Variants in CYRIA observed in about 807,000 individuals in gnomAD.
CYRIA encodes the protein CYFIP-related Rac1 interactor A.
CYRIA carries 15 observed loss-of-function variants against 43.9 expected under a neutral mutation model. The ratio of observed to expected loss-of-function variants is 0.34; its 90% CI spans 0.23 to 0.53. The LOEUF (loss-of-function observed/expected upper bound fraction) is 0.53. Ranked by LOEUF, CYRIA falls within the 20% of genes least tolerant of loss-of-function variation. The pLI is 0.94. For missense variants in CYRIA, 236 were observed against 394.2 expected, an observed-to-expected ratio of 0.60 and a Z score of 3.40; for synonymous variants, 117 against 136.0, an observed-to-expected ratio of 0.86 and a Z score of 0.97.
At chr2:16,588,951 G>A (rs1274586456) in intron 2 of CYRIA, among the ~76,000 whole-genome samples, 1 of 152,064 alleles carries the variant, frequency 6.6e-6, no homozygotes, top group African/African-American at 2.4e-5. Flanking sequence ...CATATCAGCA[G>A]TCTCAACCTA....
At chr2:16,571,134 A>G (rs989045708) in intron 3 of CYRIA, among the ~76,000 whole-genome samples, 1 of 152,190 alleles carries the variant, frequency 6.6e-6, no homozygotes, top group Non-Finnish European at 1.5e-5. Flanking sequence ...GCACACATAT[A>G]CATTTGTTGT....
intron 1 of CYRIA, among the ~76,000 whole-genome samples, chr2:16,665,579 G>C (rs541310225): frequency 9.3e-4 from 141 of 152,028 alleles, no homozygotes; most frequent in African/African-American, 3.3e-3. Flanking sequence ...TCTGTCCGGC[G>C]ATCGCTAGAG....
rs545629461 is a variant in CYRIA at position 16,575,926 on chromosome 2, C to A, written c.71-10159G>T. On this transcript the variant is annotated intron_variant, in intron 3 of 11. Coordinates refer to ENST00000381323, the MANE Select transcript of CYRIA (RefSeq NM_030797.4). ...ATAAATAAAGAGCAGTTCCCCTGCA[C>A]AAGCTCTCTCTCTTTGCCTGCTGCC... 3.9e-5 allele frequency among the ~76,000 whole-genome samples: 6 copies of A among 152,138 alleles called. No individual in the cohort carries two copies. The East Asian group carries it at 9.6e-4, about 24-fold the overall frequency.
chr2:16,610,108 C>T (rs1033008540), intron 2 of CYRIA, among the ~76,000 whole-genome samples: 1 of 152,224 alleles, frequency 6.6e-6, no homozygotes, highest in Non-Finnish European at 1.5e-5. Context: ...ATAACTTCCA[C>T]AGACTGTGCA....
In CYRIA at chr2:16,585,475, T is replaced by G. The variant is rs114226742; in HGVS notation, c.70+2575A>C. On this transcript the variant is annotated intron_variant, in intron 3 of 11. Coordinates refer to ENST00000381323, the MANE Select transcript of CYRIA (RefSeq NM_030797.4). Reference sequence around the variant, plus strand: ...TTTCAGTGGAATAAAGTTAGTCTTATCCATAGGACTGATGAGAAAATAAGC... The same window carrying G: ...TTTCAGTGGAATAAAGTTAGTCTTAGCCATAGGACTGATGAGAAAATAAGC... Among the ~76,000 whole-genome samples the G allele has an allele frequency of 6.1e-3, 923 of 152,292 alleles. 7 individuals are homozygous for G. The highest frequency in any genetic ancestry group is 0.021 in the African/African-American group (892 of 41,558).
At position 16,600,092 on chromosome 2, in the gene CYRIA, GT is replaced by G. The variant is rs199606619; in HGVS notation, c.-10-11964del. On this transcript the variant is annotated intron_variant, in intron 2 of 11. Coordinates refer to ENST00000381323, the MANE Select transcript of CYRIA (RefSeq NM_030797.4). ...TTTAACCAAACAGTTGTGTCTATGT[GT>G]ACCCCATGTCATATAGCACAAAGTC... Among the ~76,000 whole-genome samples, 1,201 of 152,256 alleles carry G rather than the reference GT, an allele frequency of 7.9e-3. 19 individuals are homozygous for G. Among genetic ancestry groups the G allele is most frequent in the African/African-American group, 0.027 (1,121 of 41,542 alleles).
At chr2:16,642,127 A>G (rs1442848399) in intron 1 of CYRIA, among the ~76,000 whole-genome samples, 2 of 152,056 alleles carry the variant, frequency 1.3e-5, no homozygotes, top group African/African-American at 4.8e-5. Context: ...TTAGTTTCAC[A>G]CCTTCAAATA....
intron 1 of CYRIA, among the ~76,000 whole-genome samples, chr2:16,646,897 A>G (rs190392035): frequency 3.3e-5 from 5 of 152,264 alleles, no homozygotes; most frequent in Admixed American, 3.3e-4. Context: ...TTGGATTCAG[A>G]CTTGAACCAG....
chr2:16,658,799 G>C (rs372172323), intron 1 of CYRIA, among the ~76,000 whole-genome samples: 2 of 151,760 alleles, frequency 1.3e-5, no homozygotes, highest in African/African-American at 4.8e-5. Context: ...AGTTTCTGTG[G>C]AATAGAGGAG....
chr2:16,565,007 C>G (rs1666876647), intron 4 of CYRIA, among the ~76,000 whole-genome samples: 1 of 152,124 alleles, frequency 6.6e-6, no homozygotes, highest in Non-Finnish European at 1.5e-5. Flanking sequence ...AACTGTTGTT[C>G]ACAGACTTTA....
At chr2:16,553,557 G>C (rs1408512088) in intron 11 of CYRIA, among the ~76,000 whole-genome samples, 1 of 152,102 alleles carries the variant, frequency 6.6e-6, no homozygotes, top group Admixed American at 6.5e-5. Flanking sequence ...CTTTGGCCAG[G>C]TCATGGGCGC....
chr2:16,564,023 C>T lies in CYRIA; in HGVS notation c.264G>A (p.Arg88=). 1.2e-6 allele frequency: 2 copies of T among 1,613,420 alleles called. No homozygotes were observed. Among genetic ancestry groups the T allele is most frequent in the Non-Finnish European group, 1.7e-6 (2 of 1,179,636 alleles). The change falls in exon 5 of 12, where the codon AGG becomes AGA. Residue 88 remains arginine, a synonymous_variant. Transcript: ENST00000381323. ...AWNAVCPLVV[R]LKRFYEFSIR... Reference sequence around the variant, plus strand: ...TGGAAAACTCGTAAAATCTCTTTAGCCTCACAACAAGAGGGCACACCGCAT... The same window carrying T: ...TGGAAAACTCGTAAAATCTCTTTAGTCTCACAACAAGAGGGCACACCGCAT...
At chr2:16,580,140 G>T (rs1233036165) in intron 3 of CYRIA, among the ~76,000 whole-genome samples, 2 of 151,846 alleles carry the variant, frequency 1.3e-5, no homozygotes, top group Non-Finnish European at 2.9e-5. Flanking sequence ...TAGAGATGAG[G>T]TCTCGCTTTG....
chr2:16,646,955 G>A (rs1306184870), intron 1 of CYRIA, among the ~76,000 whole-genome samples: 2 of 152,290 alleles, frequency 1.3e-5, no homozygotes, highest in Non-Finnish European at 2.9e-5. Flanking sequence ...GACTTAGGCT[G>A]GAACTATATG....
At chr2:16,606,656 A>G (rs2103484170) in intron 2 of CYRIA, among the ~76,000 whole-genome samples, 1 of 152,176 alleles carries the variant, frequency 6.6e-6, no homozygotes, top group South Asian at 2.1e-4. Flanking sequence ...ATCTGCCTCC[A>G]TAGTTCTCTG....
At chr2:16,586,398 T>C (rs1257747127) in intron 3 of CYRIA, among the ~76,000 whole-genome samples, 1 of 152,132 alleles carries the variant, frequency 6.6e-6, no homozygotes, top group African/African-American at 2.4e-5. Context: ...TGTGTGGTTT[T>C]TTTTAGAGGA....
intron 2 of CYRIA, among the ~76,000 whole-genome samples, chr2:16,616,391 C>G (rs12615415): frequency 6.6e-6 from 1 of 152,156 alleles, no homozygotes; most frequent in African/African-American, 2.4e-5. Flanking sequence ...TCCTTCCCTA[C>G]GTCACCCTTT....
chr2:16,560,645 A>T (rs749284878), intron 9 of CYRIA: 1 of 262,554 alleles, frequency 3.8e-6, no homozygotes, highest in Admixed American at 4.7e-5. Context: ...CTGGTTTTAT[A>T]TCTTCTCTAC....
chr2:16,612,884 T>C (rs1364236527), intron 2 of CYRIA, among the ~76,000 whole-genome samples: 1 of 152,172 alleles, frequency 6.6e-6, no homozygotes, highest in South Asian at 2.1e-4. Context: ...TGGGAGGTAA[T>C]TGAATCATGG....
Sources: gnomAD v4.1 joint callset for allele counts (sites outside exome capture counted in the v4.1 genomes callset) on GRCh38, gnomAD v4.1.1 for gene constraint, MANE v1.5 for transcripts, NCBI Gene and HGNC (gene_info 2026-07-23, HGNC 2026-07-21) for gene names.